The following ADGRB1 variants were observed in gnomAD, a reference collection of about 807,000 sequenced individuals.
ADGRB1 encodes adhesion G protein-coupled receptor B1.
Under a neutral mutation model 175.7 loss-of-function variants are expected in ADGRB1, and 36 were observed. That is an observed-to-expected ratio of 0.20 (90% CI 0.16 to 0.27). ADGRB1 has a LOEUF of 0.27. Among genes scored for constraint, ADGRB1 ranks in the 10% least tolerant of loss-of-function variants. ADGRB1 has a pLI of 1.00. For missense variants in ADGRB1, 1,731 were observed against 2,255.3 expected, an observed-to-expected ratio of 0.77 and a Z score of 4.71; for synonymous variants, 1,054 against 979.4, an observed-to-expected ratio of 1.08 and a Z score of -1.42.
At chr8:142,499,368 C>A (rs1258483399) in intron 17 of ADGRB1, among the ~76,000 whole-genome samples, 4 of 152,236 alleles carry the variant, frequency 2.6e-5, no homozygotes, top group Non-Finnish European at 5.9e-5. Context: ...ACCGTCCTAC[C>A]CTCCAAGTCC....
rs1218401071 is a variant in ADGRB1, at chr8:142,479,802, C to G, written c.1828+8C>G. 12 of 1,608,686 alleles carry G rather than the reference C, an allele frequency of 7.5e-6. No homozygotes were observed. The highest frequency in any genetic ancestry group is 1.0e-5 in the Non-Finnish European group (12 of 1,177,328). ...GTCCCCGCAACGCCACAGGTGAGGG[C>G]TGGAGAGCACGTGGTGTATGGGGGC... On this transcript the variant is annotated splice_region_variant and intron_variant, in intron 9 of 30. Coordinates refer to ENST00000517894, the MANE Select transcript of ADGRB1 (RefSeq NM_001702.3).
intron 24 of ADGRB1, among the ~76,000 whole-genome samples, chr8:142,527,796 T>A (rs1292181035): frequency 6.6e-6 from 1 of 152,144 alleles, no homozygotes; most frequent in African/African-American, 2.4e-5. Flanking sequence ...AGGGTGGATG[T>A]TTTGTTTGCT....
chr8:142,518,103 C>T, intron 18 of ADGRB1, 35 bp from the exon 19 acceptor site: 1 of 1,599,886 alleles, frequency 6.3e-7, no homozygotes, highest in Non-Finnish European at 8.6e-7. Flanking sequence ...GAGTGGGGTG[C>T]CTCACTCCCT....
intron 26 of ADGRB1, 56 bp from the exon 27 acceptor site, chr8:142,539,318 G>A: frequency 6.5e-7 from 1 of 1,543,556 alleles, no homozygotes; most frequent in Non-Finnish European, 8.8e-7. Context: ...GTGCACGCGT[G>A]CACACACCCC....
At chr8:142,497,991 G>A (rs1037562400) in intron 17 of ADGRB1, among the ~76,000 whole-genome samples, 1 of 152,144 alleles carries the variant, frequency 6.6e-6, no homozygotes, top group Non-Finnish European at 1.5e-5. Flanking sequence ...CTGCATCTGG[G>A]AATGGACCCA....
rs1447223333 is a variant in ADGRB1, at chr8:142,482,456, T to C, written c.2130+745T>C. Among the ~76,000 whole-genome samples, 8 of 121,738 alleles carry C rather than the reference T, an allele frequency of 6.6e-5. No homozygotes were observed. In the Admixed American group the frequency reaches 6.9e-4, roughly 10 times the overall value. The allele number at this position is 121,738 out of a possible 152,430, so 79.9% of individuals were successfully genotyped here. On this transcript the variant is annotated intron_variant, in intron 11 of 30. Coordinates refer to ENST00000517894, the MANE Select transcript of ADGRB1 (RefSeq NM_001702.3). ...CTTGGTCACCTGCTGAACCCTGACC[T>C]TGGTCACATGCTGAACCCTGATCCT... is the stretch of plus-strand genomic sequence containing the variant.
At position 142,477,227 on chromosome 8, in the gene ADGRB1, A is replaced by G. The variant is rs759869474; in HGVS notation, c.1171A>G (p.Ser391Gly). 4.4e-6 allele frequency: 7 copies of G among 1,598,484 alleles called. No homozygotes were observed. The highest frequency in any genetic ancestry group is 6.0e-6 in the Non-Finnish European group (7 of 1,176,020). Residue 391 changes from serine to glycine, a missense_variant, in exon 5 of 31, where the codon AGC (serine) becomes GGC (glycine). Around this residue, in one of 8 missense-constraint regions of ADGRB1, gnomAD observed 178 missense variants for 227.8 expected, o/e 0.78. Transcript: ENST00000517894. The stretch of plus-strand genomic sequence containing the variant: ...GTCCTCCTCCTACAGCACGCAGTGC[A>G]GCGGACCCCTGCGCGAGCAGCGGCT... ...CVSSSYSTQCSGPLREQRLCN... is the reference protein window; with the variant it reads ...CVSSSYSTQCGGPLREQRLCN...
At chr8:142,496,717 C>T (rs1842232974) in intron 17 of ADGRB1, among the ~76,000 whole-genome samples, 1 of 152,098 alleles carries the variant, frequency 6.6e-6, no homozygotes, top group South Asian at 2.1e-4. Context: ...CAGTGGAGTC[C>T]CAGAGCGGGG....
chr8:142,473,718 G>A (rs928455926), intron 2 of ADGRB1, among the ~76,000 whole-genome samples: 4 of 152,250 alleles, frequency 2.6e-5, no homozygotes, highest in Non-Finnish European at 4.4e-5. Flanking sequence ...GTGAGTGAAG[G>A]AAGAGGGTTC....
At chr8:142,488,963 C>CA in intron 14 of ADGRB1, 72 bp from the exon 15 acceptor site, 1 of 1,537,952 alleles carries the variant, frequency 6.5e-7, no homozygotes, top group South Asian at 1.2e-5. Flanking sequence ...CAGCGGGGTC[C>CA]AGGCCAGGCT....
In ADGRB1 at chr8:142,454,502, G is replaced by A. The variant is rs1207661418; in HGVS notation, c.-220+4398G>A. 3.9e-5 allele frequency among the ~76,000 whole-genome samples: 6 copies of A among 152,314 alleles called. No homozygotes were observed. The East Asian group carries it at 9.7e-4, about 25-fold the overall frequency. On this transcript the variant is annotated intron_variant, in intron 1 of 30. Coordinates refer to ENST00000517894, the MANE Select transcript of ADGRB1 (RefSeq NM_001702.3). ...CCTGTCTACACACGCAGAGGGGAAGGAGCGGAGGTTCAGACCTACAGACCG... is the reference window on the plus strand; with the variant it reads ...CCTGTCTACACACGCAGAGGGGAAGAAGCGGAGGTTCAGACCTACAGACCG...
At chr8:142,484,539 T>C in intron 12 of ADGRB1, 117 bp from the exon 13 acceptor site, 1 of 1,105,894 alleles carries the variant, frequency 9.0e-7, no homozygotes, top group Non-Finnish European at 1.3e-6. Flanking sequence ...CCAGCCCCAC[T>C]TCCTCAAAAT....
chr8:142,515,132 C>T (rs1843340329), intron 18 of ADGRB1, among the ~76,000 whole-genome samples: 2 of 151,996 alleles, frequency 1.3e-5, no homozygotes, highest in Non-Finnish European at 2.9e-5. Flanking sequence ...GCAGGGAGGG[C>T]CTCCGAGAAT....
intron 18 of ADGRB1, among the ~76,000 whole-genome samples, chr8:142,514,779 GT>G (rs1159522609): frequency 6.6e-6 from 1 of 152,114 alleles, no homozygotes; most frequent in Non-Finnish European, 1.5e-5. Context: ...TTGGGTCAGG[GT>G]TTAGTGTGTG....
chr8:142,476,932 C>T (rs1841011234), intron 4 of ADGRB1, among the ~76,000 whole-genome samples, 182 bp from the exon 5 acceptor site: 1 of 152,232 alleles, frequency 6.6e-6, no homozygotes, highest in Non-Finnish European at 1.5e-5. Context: ...GCCCTCAGGG[C>T]TCCCAGCCTT....
At chr8:142,490,029 C>G (rs919809973) in intron 16 of ADGRB1, among the ~76,000 whole-genome samples, 1 of 152,140 alleles carries the variant, frequency 6.6e-6, no homozygotes, top group Non-Finnish European at 1.5e-5. Context: ...GGCCGAGAAC[C>G]AGGGCCCCCA....
intron 25 of ADGRB1, 77 bp downstream of exon 25, chr8:142,533,543 G>A (rs1563749149): frequency 5.5e-6 from 8 of 1,461,068 alleles, no homozygotes; most frequent in Non-Finnish European, 5.5e-6. Flanking sequence ...CTTCCCCGAG[G>A]ACCTCGGCAG....
At chr8:142,457,130 T>C (rs1322900843) in intron 1 of ADGRB1, among the ~76,000 whole-genome samples, 1 of 152,118 alleles carries the variant, frequency 6.6e-6, no homozygotes, top group African/African-American at 2.4e-5. Context: ...TGAGGGCCGT[T>C]GGAAAGCTGG....
chr8:142,521,545 C>T (rs748958100), intron 20 of ADGRB1, among the ~76,000 whole-genome samples: 1 of 152,252 alleles, frequency 6.6e-6, no homozygotes, highest in Non-Finnish European at 1.5e-5. Flanking sequence ...GCCCCAGGGC[C>T]TGCCATGTGC....
Sources: gnomAD v4.1 joint callset for allele counts (sites outside exome capture counted in the v4.1 genomes callset) on GRCh38, gnomAD v4.1.1 for gene constraint, gnomAD v4.1.1 regional missense constraint, MANE v1.5 for transcripts, NCBI Gene and HGNC (gene_info 2026-07-23, HGNC 2026-07-21) for gene names.